ZNF611: variants seen among roughly 807,000 people sequenced by gnomAD.
ZNF611 encodes zinc finger protein 611.
A neutral mutation model predicts 8.9 loss-of-function variants in ZNF611; 6 were observed. That is an observed-to-expected ratio of 0.68 (90% CI 0.37 to 1.34). ZNF611 has a LOEUF of 1.34. ZNF611 is among the 40% of genes most tolerant of loss of function. ZNF611 has a pLI of 0.02. For missense variants in ZNF611, 874 were observed against 841.3 expected, an observed-to-expected ratio of 1.04 and a Z score of -0.48; for synonymous variants, 262 against 279.7, an observed-to-expected ratio of 0.94 and a Z score of 0.63.
At position 52,708,266 on chromosome 19, in the gene ZNF611, C is replaced by G. The variant is rs2062257785; in HGVS notation, c.191-1402G>C. ...ATCCCACCACTTTGGGAGGCCGAGT[C>G]AGACGGATCACGAGGTCAGGAGATT... On this transcript the variant is annotated intron_variant, in intron 5 of 5. Coordinates refer to ENST00000652185, the MANE Select transcript of ZNF611 (RefSeq NM_001161499.2). 2 of 152,184 alleles carry G rather than the reference C, an allele frequency of 1.3e-5. 1 individual carries two copies. The highest frequency in any genetic ancestry group is 1.3e-4 in the Admixed American group (2 of 15,264). The allele number at this position is 152,184 out of a possible 1,614,324, so 9.4% of individuals were successfully genotyped here.
At chr19:52,725,270 A>G (rs114430840) in intron 3 of ZNF611, among the ~76,000 whole-genome samples, 2,217 of 152,262 alleles carry the variant, frequency 0.015, 46 homozygotes, top group African/African-American at 0.049. Flanking sequence ...GAGGAGGGAC[A>G]TAGTGGGAGA....
chr19:52,706,968 C>G (rs1344374326), intron 5 of ZNF611, 104 bp from the exon 6 acceptor site: 6 of 1,489,826 alleles, frequency 4.0e-6, no homozygotes, highest in Non-Finnish European at 5.4e-6. Flanking sequence ...TTGAACTTCC[C>G]AAACATCATC....
At position 52,703,588 on chromosome 19, in the gene ZNF611, C is replaced by CTT. The variant is rs1568597668; in HGVS notation, c.*1348_*1349insAA. The stretch of plus-strand genomic sequence containing the variant: ...CCACCACGTACCGAGGCTTTGATAT[C>CTT]CTTTTTTTTTTTTTTTTTTTTGAGA... On this transcript the variant is annotated 3_prime_UTR_variant, in exon 6 of 6. Coordinates refer to ENST00000652185, the MANE Select transcript of ZNF611 (RefSeq NM_001161499.2). The CTT allele has an allele frequency of 8.9e-6, 1 of 111,836 alleles. No homozygotes were observed. The highest frequency in any genetic ancestry group is 3.7e-5 in the African/African-American group (1 of 26,856). 6.9% of individuals were successfully genotyped at this position (111,836 alleles called of 1,614,324 possible).
rs181976863 is a variant in ZNF611, at chr19:52,714,542, G to T, written c.64-401C>A. Among the ~76,000 whole-genome samples, 28 of 151,568 alleles carry T rather than the reference G, an allele frequency of 1.8e-4. No homozygotes were observed. The East Asian group carries it at 5.4e-3, about 29-fold the overall frequency. ...GTCTCTCCTAAAAATATAAAAATTA[G>T]CCGGGCATGGTAGAAGGCACCTGTA... On this transcript the variant is annotated intron_variant, in intron 4 of 5. Coordinates refer to ENST00000652185, the MANE Select transcript of ZNF611 (RefSeq NM_001161499.2).
rs143269635 is a variant in ZNF611 at position 52,705,683 on chromosome 19, C to G, written c.1372G>C (p.Val458Leu). ...CTCCACACAAAAGCCTTGTCACAAA[C>G]CTTACATTTGTAAGATTTCTCTCCA... ...HGGEKSYKCK[V>L]CDKAFVWSSQ... Residue 458 changes from valine to leucine, a missense_variant, in exon 6 of 6, where the codon GTT becomes CTT. Coordinates refer to ENST00000652185, the MANE Select transcript of ZNF611 (RefSeq NM_001161499.2). 1.2e-6 allele frequency: 2 copies of G among 1,613,796 alleles called. No homozygotes were observed. Among genetic ancestry groups the G allele is most frequent in the Non-Finnish European group, 1.7e-6 (2 of 1,179,888 alleles).
At position 52,705,970 on chromosome 19, in the gene ZNF611, C is replaced by T. The variant is rs2062239827; in HGVS notation, c.1085G>A (p.Arg362Lys). ...GTAAGGTTTCTCTCCAGTATGAATT[C>T]TATGATGTGAAAGTTGTGATTGTTG... ...FNQQSQLSHH[R>K]IHTGEKPYKC... The change falls in exon 6 of 6, where the codon AGA becomes AAA. Residue 362 changes from arginine (R) to lysine (K), a missense_variant. Physicochemically the swap from Arg to Lys is conservative, Grantham distance 26. Transcript: ENST00000652185. 6.2e-7 allele frequency: 1 copy of T among 1,613,958 alleles called. No homozygotes were observed. Among genetic ancestry groups the T allele is most frequent in the Non-Finnish European group, 8.5e-7 (1 of 1,180,026 alleles).
intron 1 of ZNF611, among the ~76,000 whole-genome samples, chr19:52,733,687 T>A (rs2062439383): frequency 6.6e-6 from 1 of 151,956 alleles, no homozygotes; most frequent in African/African-American, 2.4e-5. Context: ...TAGCTCTTGT[T>A]TTCTTTTCTT....
chr19:52,719,180 A>G (rs945471190), intron 3 of ZNF611, among the ~76,000 whole-genome samples: 1 of 152,234 alleles, frequency 6.6e-6, no homozygotes, highest in Non-Finnish European at 1.5e-5. Flanking sequence ...AAAAGAAAAA[A>G]TAAATGAATA....
chr19:52,708,671 C>T (rs1304415323), intron 5 of ZNF611: 2 of 151,942 alleles, frequency 1.3e-5, no homozygotes, highest in East Asian at 1.9e-4. Flanking sequence ...CCCCATCCTA[C>T]GAAGAATACA....
chr19:52,719,146 C>G (rs113819663), intron 3 of ZNF611, among the ~76,000 whole-genome samples: 5,741 of 151,990 alleles, frequency 0.038, 342 homozygotes, highest in African/African-American at 0.13. Context: ...TCCAGCTTGC[C>G]TGACAGAGAA....
chr19:52,725,388 G>C, intron 3 of ZNF611, among the ~76,000 whole-genome samples: 1 of 152,334 alleles, frequency 6.6e-6, no homozygotes, highest in East Asian at 1.9e-4. Context: ...AGGCCGACGG[G>C]GGCTGGGAGG....
intron 3 of ZNF611, among the ~76,000 whole-genome samples, chr19:52,725,845 C>T (rs1487406267): frequency 6.6e-6 from 1 of 151,928 alleles, no homozygotes; most frequent in African/African-American, 2.4e-5. Context: ...AGGCGGGGCG[C>T]GAGGCGGAGA....
chr19:52,713,924 T>A, intron 5 of ZNF611, 91 bp downstream of exon 5: 1 of 1,580,304 alleles, frequency 6.3e-7, no homozygotes, highest in Non-Finnish European at 8.5e-7. Context: ...AACCCATGTA[T>A]GGGGCAAAAT....
chr19:52,707,007 A>G, intron 5 of ZNF611, 143 bp from the exon 6 acceptor site: 2 of 1,353,294 alleles, frequency 1.5e-6, no homozygotes, highest in Non-Finnish European at 2.0e-6. Flanking sequence ...GAAAGGAGCA[A>G]TATTCTTTAG....
Position 52,703,063 on chromosome 19 carries a change from C to T in ZNF611, c.*1874G>A, listed in dbSNP as rs565197708. 3.2e-5 allele frequency: 4 copies of T among 125,758 alleles called. No individual in the cohort carries two copies. Among genetic ancestry groups the T allele is most frequent in the South Asian group, 2.3e-4 (1 of 4,314 alleles). The allele number at this position is 125,758 out of a possible 1,614,324, so 7.8% of individuals were successfully genotyped here. A position where few individuals can be genotyped will look rare whatever the true frequency, so the allele number is the denominator to read the frequency against. On this transcript the variant is annotated 3_prime_UTR_variant, in exon 6 of 6. Transcript: ENST00000652185. Reference sequence around the variant, plus strand: ...ACTGGAAAATATACAAGTACAGAAACGAATGATGTGAGCTGATTATAGGAT... The same window carrying T: ...ACTGGAAAATATACAAGTACAGAAATGAATGATGTGAGCTGATTATAGGAT...
chr19:52,726,267 C>G (rs1013618724), intron 3 of ZNF611, among the ~76,000 whole-genome samples: 8 of 152,140 alleles, frequency 5.3e-5, no homozygotes, highest in South Asian at 2.1e-4. Context: ...GGGCGTGAGG[C>G]CGGAAGCCTG....
chr19:52,718,365 C>T (rs1001317046), intron 3 of ZNF611, among the ~76,000 whole-genome samples: 3 of 151,780 alleles, frequency 2.0e-5, no homozygotes, highest in Non-Finnish European at 4.4e-5. Context: ...ATTAGCCAGG[C>T]CTGGTGGGGC....
At chr19:52,722,905 G>GTTTTTTTTTTTTTTTT (rs372056346) in intron 3 of ZNF611, among the ~76,000 whole-genome samples, 1 of 120,010 alleles carries the variant, frequency 8.3e-6, no homozygotes, top group Admixed American at 9.1e-5. Flanking sequence ...TTTTGTTTTC[G>GTTTTTTTTTTTTTTTT]TTTTTTTTTT....
At chr19:52,724,863 C>G (rs2062381692) in intron 3 of ZNF611, among the ~76,000 whole-genome samples, 1 of 152,182 alleles carries the variant, frequency 6.6e-6, no homozygotes, top group South Asian at 2.1e-4. Flanking sequence ...TGTCCTTCAT[C>G]TCTGTACATC....
Sources: allele counts gnomAD v4.1 joint callset (sites outside exome capture counted in the v4.1 genomes callset), GRCh38; gene constraint gnomAD v4.1.1; transcripts MANE v1.5; gene names NCBI Gene and HGNC (gene_info 2026-07-23, HGNC 2026-07-21).